Variants in SEMA3D observed in about 807,000 individuals in gnomAD.
SEMA3D encodes the protein semaphorin 3D.
Under a neutral mutation model 100.1 loss-of-function variants are expected in SEMA3D, and 84 were observed. That is an observed-to-expected ratio of 0.84 (90% CI 0.70 to 1.01). The LOEUF (loss-of-function observed/expected upper bound fraction) is 1.01. Among genes scored for constraint, SEMA3D ranks in the 50% least tolerant of loss-of-function variants. The pLI, the probability that SEMA3D is intolerant of heterozygous loss-of-function variation, is 0.00. For synonymous variants in SEMA3D, 312 were observed against 320.7 expected (o/e 0.97, Z 0.29); for missense variants, 875 against 934.1 (o/e 0.94, Z 0.82).
chr7:85,192,585 C>A, the SEMA3D span, among the ~76,000 whole-genome samples: 5 of 151,996 alleles, frequency 3.3e-5, no homozygotes, highest in Non-Finnish European at 7.4e-5. Flanking sequence ...AATTTAACGT[C>A]GGAGCTACTG....
chr7:85,082,911 T>A (rs1431274228), intron 4 of SEMA3D, among the ~76,000 whole-genome samples: 8 of 152,142 alleles, frequency 5.3e-5, no homozygotes, highest in Admixed American at 5.2e-4. Context: ...CTAACCTTGA[T>A]AAGGTACACA....
chr7:85,202,061 AT>A, the SEMA3D span, among the ~76,000 whole-genome samples: 74 of 151,270 alleles, frequency 4.9e-4, no homozygotes, highest in African/African-American at 1.7e-3. Flanking sequence ...TATTATTATT[AT>A]TTTTTATTAT....
intron 17 of SEMA3D, among the ~76,000 whole-genome samples, chr7:85,009,300 C>T (rs1789887777): frequency 6.6e-6 from 1 of 151,464 alleles, no homozygotes; most frequent in South Asian, 2.1e-4. Flanking sequence ...AACTATTTTT[C>T]TGCATGTATT....
the SEMA3D span, among the ~76,000 whole-genome samples, chr7:85,216,051 T>A: frequency 6.6e-6 from 1 of 152,106 alleles, no homozygotes; most frequent in Non-Finnish European, 1.5e-5. Flanking sequence ...GTTTATTATA[T>A]AATGGCAAAC....
In SEMA3D at chr7:85,068,965, T is replaced by G. The variant is rs562444780; in HGVS notation, c.496-681A>C. ...ATGACATTGGCAGACTTTTAGTATT[T>G]GGGAAAATAAATAACATCTTAAGTT... On this transcript the variant is annotated intron_variant, in intron 6 of 18. Transcript: ENST00000284136. 7.2e-5 allele frequency among the ~76,000 whole-genome samples: 11 copies of G among 152,240 alleles called. No individual in the cohort carries two copies. The South Asian group carries it at 2.3e-3, about 32-fold the overall frequency.
chr7:85,082,454 A>T (rs960589041), intron 4 of SEMA3D, among the ~76,000 whole-genome samples: 13 of 152,224 alleles, frequency 8.5e-5, no homozygotes, highest in African/African-American at 3.1e-4. Flanking sequence ...CCATTAGCTT[A>T]CAGAAAGAAA....
At chr7:85,134,281 A>G (rs1672987954) in intron 2 of SEMA3D, among the ~76,000 whole-genome samples, 2 of 151,994 alleles carry the variant, frequency 1.3e-5, no homozygotes, top group Non-Finnish European at 2.9e-5. Flanking sequence ...ATGTTTGAAG[A>G]AAAGTCTATG....
intron 2 of SEMA3D, among the ~76,000 whole-genome samples, chr7:85,129,986 A>T (rs1423151716): frequency 4.6e-5 from 7 of 152,112 alleles, no homozygotes; most frequent in Non-Finnish European, 5.9e-5. Context: ...TTATTTTTTT[A>T]AAAAAGATGT....
chr7:85,047,996 A>G (rs1791055790), intron 9 of SEMA3D, among the ~76,000 whole-genome samples: 1 of 151,790 alleles, frequency 6.6e-6, no homozygotes. Context: ...TTTAGTTTGA[A>G]TTAATACTAC....
intron 17 of SEMA3D, 120 bp from the exon 18 acceptor site, chr7:85,007,061 G>T: frequency 1.6e-6 from 1 of 611,656 alleles, no homozygotes; most frequent in Non-Finnish European, 2.6e-6. Context: ...TAAAGAGAAA[G>T]GAAATTCATG....
At chr7:85,147,096 T>C (rs891203601) in intron 2 of SEMA3D, among the ~76,000 whole-genome samples, 9 of 109,462 alleles carry the variant, frequency 8.2e-5, no homozygotes, top group African/African-American at 1.3e-4. Context: ...TCTTTTCTTT[T>C]TTTTTTTTTT....
the SEMA3D span, among the ~76,000 whole-genome samples, chr7:85,199,384 T>C: frequency 2.0e-5 from 3 of 152,190 alleles, no homozygotes; most frequent in East Asian, 1.9e-4. Context: ...CTGCATTTAG[T>C]GTTTTTCAGT....
At chr7:85,205,596 C>T in the SEMA3D span, among the ~76,000 whole-genome samples, 1 of 151,972 alleles carries the variant, frequency 6.6e-6, no homozygotes, top group African/African-American at 2.4e-5. Flanking sequence ...AGTGTTCAGT[C>T]TCTTGGATTA....
intron 1 of SEMA3D, among the ~76,000 whole-genome samples, chr7:85,156,777 G>A (rs976481629): frequency 6.6e-6 from 1 of 152,088 alleles, no homozygotes; most frequent in Non-Finnish European, 1.5e-5. Flanking sequence ...AAATCAACCT[G>A]TTTACCAAAA....
intron 3 of SEMA3D, among the ~76,000 whole-genome samples, chr7:85,114,448 T>C (rs1019698670): frequency 2.6e-5 from 4 of 152,200 alleles, no homozygotes; most frequent in African/African-American, 7.2e-5. Context: ...TGGTGTGCTG[T>C]GAGCAGCAAA....
intron 18 of SEMA3D, among the ~76,000 whole-genome samples, chr7:85,000,600 G>T (rs1789629725): frequency 6.6e-6 from 1 of 152,130 alleles, no homozygotes. Flanking sequence ...ACTTTATACT[G>T]TCATTTGTGG....
At chr7:85,239,821 T>C in the SEMA3D span, among the ~76,000 whole-genome samples, 1 of 152,332 alleles carries the variant, frequency 6.6e-6, no homozygotes, top group African/African-American at 2.4e-5. Flanking sequence ...CAAATTCCAC[T>C]TTCTCATTAC....
At chr7:85,176,529 A>C (rs759025932) in intron 1 of SEMA3D, among the ~76,000 whole-genome samples, 2 of 151,982 alleles carry the variant, frequency 1.3e-5, no homozygotes, top group Non-Finnish European at 2.9e-5. Context: ...TTCAGCAGAA[A>C]CTCCAGTTAA....
At chr7:85,053,570 T>C (rs924895030) in intron 9 of SEMA3D, among the ~76,000 whole-genome samples, 2 of 152,040 alleles carry the variant, frequency 1.3e-5, no homozygotes, top group African/African-American at 4.8e-5. Context: ...TCATTTTTCA[T>C]GTTGTCAGTG....
Sources: gnomAD v4.1 joint callset for allele counts (sites outside exome capture counted in the v4.1 genomes callset) on GRCh38, gnomAD v4.1.1 for gene constraint, MANE v1.5 for transcripts, NCBI Gene and HGNC (gene_info 2026-07-23, HGNC 2026-07-21) for gene names.